ANKFN1: variants seen among roughly 807,000 people sequenced by gnomAD.
The protein encoded by ANKFN1 is ankyrin repeat and fibronectin type III domain containing 1.
In ANKFN1, 74 loss-of-function variants were observed where a neutral mutation model predicts 108.7. That is an observed-to-expected ratio of 0.68 (90% CI 0.56 to 0.83). The LOEUF (loss-of-function observed/expected upper bound fraction) is 0.83. ANKFN1 is among the 40% of genes least tolerant of loss of function. ANKFN1 has a pLI of 0.00. For missense variants in ANKFN1, 1,505 were observed against 1,382.3 expected (o/e 1.09, Z -1.41); for synonymous variants, 547 against 516.2 (o/e 1.06, Z -0.81).
intron 2 of ANKFN1, among the ~76,000 whole-genome samples, chr17:56,220,831 G>T (rs1475304913): frequency 2.0e-4 from 9 of 45,452 alleles, no homozygotes; most frequent in African/African-American, 1.8e-3. Flanking sequence ...AGGAAGGAAG[G>T]GAGGAAGGGA....
intron 8 of ANKFN1, among the ~76,000 whole-genome samples, chr17:56,395,833 G>A (rs1598521847): frequency 6.6e-6 from 1 of 152,126 alleles, no homozygotes; most frequent in East Asian, 1.9e-4. Context: ...TGGCGACAGA[G>A]CAAGACTCTG....
At chr17:56,080,978 A>T (rs1905238978) in intron 4 of ANKFN1, among the ~76,000 whole-genome samples, 1 of 152,142 alleles carries the variant, frequency 6.6e-6, no homozygotes. Context: ...CCATGTTCAA[A>T]GCCGCTTCTG....
At chr17:56,174,377 A>T in intron 1 of ANKFN1, 1 of 985,608 alleles carries the variant, frequency 1.0e-6, no homozygotes, top group South Asian at 4.7e-5. Context: ...GGACAGCTGG[A>T]TTGGAGGAGG....
At chr17:56,089,933 AG>A (rs1372129462) in intron 4 of ANKFN1, among the ~76,000 whole-genome samples, 1 of 151,434 alleles carries the variant, frequency 6.6e-6, no homozygotes, top group Non-Finnish European at 1.5e-5. Context: ...CACCATGGCA[AG>A]AGAGACTTTG....
chr17:56,213,563 C>A (rs1915195910), intron 2 of ANKFN1, among the ~76,000 whole-genome samples: 1 of 151,840 alleles, frequency 6.6e-6, no homozygotes. Flanking sequence ...AAACATTTCT[C>A]CCTCTTATCT....
intron 4 of ANKFN1, among the ~76,000 whole-genome samples, chr17:56,060,565 GTT>G (rs1904956159): frequency 1.3e-5 from 2 of 152,102 alleles, no homozygotes; most frequent in Admixed American, 6.5e-5. Context: ...GTGGCTGTGG[GTT>G]TGTCATAAAT....
intron 1 of ANKFN1, among the ~76,000 whole-genome samples, chr17:56,181,530 G>A (rs1412266166): frequency 1.3e-5 from 2 of 152,156 alleles, no homozygotes; most frequent in Non-Finnish European, 2.9e-5. Context: ...ATAAGTGGGA[G>A]CACTACTAGT....
At chr17:56,139,417 G>C (rs1179580777) in intron 4 of ANKFN1, among the ~76,000 whole-genome samples, 1 of 152,160 alleles carries the variant, frequency 6.6e-6, no homozygotes, top group African/African-American at 2.4e-5. Context: ...TTCAAAGACT[G>C]ACAGGCTTGA....
chr17:56,416,462 A>G (rs2048243303), intron 8 of ANKFN1, among the ~76,000 whole-genome samples: 1 of 152,252 alleles, frequency 6.6e-6, no homozygotes, highest in Admixed American at 6.5e-5. Flanking sequence ...GGCGCTCAAC[A>G]TCATTGATCA....
chr17:56,306,369 T>C (rs2044825696), intron 3 of ANKFN1, among the ~76,000 whole-genome samples: 1 of 152,224 alleles, frequency 6.6e-6, no homozygotes, highest in Non-Finnish European at 1.5e-5. Flanking sequence ...GTCCTGTATG[T>C]GTTTTGTTAG....
At chr17:56,375,910 G>C (rs1372427505) in intron 8 of ANKFN1, among the ~76,000 whole-genome samples, 2 of 152,200 alleles carry the variant, frequency 1.3e-5, no homozygotes, top group Admixed American at 1.3e-4. Context: ...GCAATGAGAA[G>C]TTAAGGAATT....
intron 4 of ANKFN1, among the ~76,000 whole-genome samples, chr17:56,050,305 T>C (rs962192992): frequency 8.0e-5 from 12 of 149,984 alleles, no homozygotes; most frequent in Admixed American, 6.6e-4. Flanking sequence ...CTTTGTCAGA[T>C]GAGTAGGTTG....
intron 17 of ANKFN1, among the ~76,000 whole-genome samples, chr17:56,481,228 C>T (rs10515126): frequency 0.53 from 80,324 of 151,794 alleles, 25,681 homozygotes; most frequent in East Asian, 0.87. Flanking sequence ...AGAAGGATAA[C>T]GGTGGTATAA....
chr17:56,363,978 A>C (rs1411265172), intron 6 of ANKFN1, among the ~76,000 whole-genome samples: 1 of 152,146 alleles, frequency 6.6e-6, no homozygotes, highest in Non-Finnish European at 1.5e-5. Context: ...AAAATCTCAG[A>C]CAGGAGAAAT....
intron 1 of ANKFN1, among the ~76,000 whole-genome samples, chr17:56,195,767 C>A (rs994863848): frequency 5.9e-5 from 9 of 152,182 alleles, no homozygotes; most frequent in African/African-American, 1.9e-4. Context: ...GTTCCTACAG[C>A]TTTTCAGCTT....
intron 18 of ANKFN1, among the ~76,000 whole-genome samples, chr17:56,483,787 A>G (rs1026917752): frequency 2.2e-4 from 34 of 152,188 alleles, no homozygotes; most frequent in African/African-American, 8.0e-4. Flanking sequence ...CTGTAATATA[A>G]CAACACTGTT....
intron 15 of ANKFN1, among the ~76,000 whole-genome samples, chr17:56,468,998 T>C (rs2050224067): frequency 6.6e-6 from 1 of 152,194 alleles, no homozygotes. Flanking sequence ...TGGGCTACCT[T>C]TGCTCCTAGA....
At chr17:56,191,851 C>G (rs1353570735) in intron 1 of ANKFN1, among the ~76,000 whole-genome samples, 2 of 149,568 alleles carry the variant, frequency 1.3e-5, no homozygotes, top group African/African-American at 2.5e-5. Context: ...TCAGGTACAC[C>G]AATCAGACGT....
At chr17:56,460,262 G>A (rs113461850) in intron 14 of ANKFN1, among the ~76,000 whole-genome samples, 400 of 152,086 alleles carry the variant, frequency 2.6e-3, no homozygotes, top group Middle Eastern at 0.01. Flanking sequence ...CAGACCAGCT[G>A]AGCAACATGG....
Sources: allele counts gnomAD v4.1 joint callset (sites outside exome capture counted in the v4.1 genomes callset), GRCh38; gene constraint gnomAD v4.1.1; transcripts MANE v1.5; gene names NCBI Gene and HGNC (gene_info 2026-07-23, HGNC 2026-07-21).